Variants in MGAT4A observed in about 807,000 individuals in gnomAD.
MGAT4A encodes the protein alpha-1,3-mannosyl-glycoprotein 4-beta-N-acetylglucosaminyltransferase A, also known as N-acetylglucosaminyltransferase IVa.
A neutral mutation model predicts 74.1 loss-of-function variants in MGAT4A; 33 were observed. The ratio of observed to expected loss-of-function variants is 0.45; its 90% CI spans 0.34 to 0.60. The LOEUF is 0.60. MGAT4A is among the 20% of genes least tolerant of loss of function. The pLI, the probability that MGAT4A is intolerant of heterozygous loss-of-function variation, is 0.02. For missense variants in MGAT4A, 479 were observed against 628.3 expected (o/e 0.76, Z 2.54); for synonymous variants, 198 against 210.4 (o/e 0.94, Z 0.51).
rs903892622 is a variant in MGAT4A at position 98,646,197 on chromosome 2, C to T, written c.775-655G>A. 7.2e-5 allele frequency among the ~76,000 whole-genome samples: 11 copies of T among 152,038 alleles called. No individual in the cohort carries two copies. In the South Asian group the frequency reaches 8.3e-4, roughly 11 times the overall value. ...TTTGAATTGGAACTATCAATACAAA[C>T]GTGTGATTTTTTTTTCCTCTGTAAA... is the stretch of plus-strand genomic sequence containing the variant. On this transcript the variant is annotated intron_variant, in intron 8 of 15. Transcript: ENST00000393487.
chr2:98,670,042 G>A (rs1559164822), intron 4 of MGAT4A, among the ~76,000 whole-genome samples: 2 of 152,168 alleles, frequency 1.3e-5, no homozygotes, highest in Non-Finnish European at 2.9e-5. Context: ...GGAGTTGTTA[G>A]TTACCACAAC....
chr2:98,690,590 G>A (rs1702182502), intron 2 of MGAT4A, among the ~76,000 whole-genome samples: 2 of 152,094 alleles, frequency 1.3e-5, no homozygotes, highest in Non-Finnish European at 2.9e-5. Context: ...CACCCAAAAT[G>A]CCTTGGACAC....
intron 2 of MGAT4A, among the ~76,000 whole-genome samples, chr2:98,711,120 C>A (rs895360408): frequency 3.3e-5 from 5 of 152,118 alleles, no homozygotes; most frequent in Non-Finnish European, 7.3e-5. Context: ...CTTAAGTTTG[C>A]AATCTCTCTA....
chr2:98,656,659 A>T (rs1326854354), intron 6 of MGAT4A, among the ~76,000 whole-genome samples, 194 bp from the exon 7 acceptor site: 1 of 152,148 alleles, frequency 6.6e-6, no homozygotes, highest in Non-Finnish European at 1.5e-5. Context: ...TTCCAATAGC[A>T]AAAGTTTTTT....
chr2:98,668,584 C>A (rs1215297278), intron 4 of MGAT4A, among the ~76,000 whole-genome samples: 2 of 152,252 alleles, frequency 1.3e-5, no homozygotes, highest in African/African-American at 2.4e-5. Context: ...AGAGCCCCCC[C>A]AGCAGAGTCC....
chr2:98,693,320 A>T (rs1309017886), intron 2 of MGAT4A, among the ~76,000 whole-genome samples: 2 of 152,216 alleles, frequency 1.3e-5, no homozygotes, highest in African/African-American at 4.8e-5. Context: ...GGAAGTTCTT[A>T]AAAAAGAAAG....
chr2:98,717,592 T>C (rs1046881287), intron 2 of MGAT4A, among the ~76,000 whole-genome samples: 1 of 152,214 alleles, frequency 6.6e-6, no homozygotes, highest in Non-Finnish European at 1.5e-5. Flanking sequence ...TCTGATTATA[T>C]ATAAGTTGTT....
At chr2:98,640,373 GCCAAGGCAGGTGGATCA>G in intron 10 of MGAT4A, 145 bp from the exon 11 acceptor site, 1 of 655,748 alleles carries the variant, frequency 1.5e-6, no homozygotes, top group Admixed American at 2.9e-5. Context: ...ATGTTGAAAG[GCCAAGGCAGGTGGATCA>G]CCTGAGGTCA....
In MGAT4A at chr2:98,620,087, A is replaced by C. The variant is rs577808059; in HGVS notation, c.*5479T>G. 1.3e-5 allele frequency: 2 copies of C among 152,190 alleles called. No individual in the cohort carries two copies. The highest frequency in any genetic ancestry group is 2.1e-4 in the South Asian group (1 of 4,832). 9.4% of individuals were successfully genotyped at this position (152,190 alleles called of 1,614,324 possible). On this transcript the variant is annotated 3_prime_UTR_variant, in exon 16 of 16. Coordinates refer to ENST00000393487, the MANE Select transcript of MGAT4A (RefSeq NM_012214.3). Reference sequence around the variant, plus strand: ...TTGAAAATGATCTAGTTAGTGCCCAAACCGGGTGAAGGAGTGTTTCAGGTA... The same window carrying C: ...TTGAAAATGATCTAGTTAGTGCCCACACCGGGTGAAGGAGTGTTTCAGGTA...
intron 9 of MGAT4A, 117 bp downstream of exon 9, chr2:98,645,311 A>T (rs1218435954): frequency 1.4e-6 from 1 of 711,978 alleles, no homozygotes; most frequent in African/African-American, 1.8e-5. Context: ...AGTTTTCTCT[A>T]AAACAACCCA....
Position 98,678,435 on chromosome 2 carries a change from A to C in MGAT4A, c.131T>G (p.Leu44Trp), listed in dbSNP as rs767192351. 4 of 1,586,242 alleles carry C rather than the reference A, an allele frequency of 2.5e-6. No homozygotes were observed. Among genetic ancestry groups the C allele is most frequent in the African/African-American group, 1.3e-5 (1 of 74,592 alleles). The change falls in exon 3 of 16, where the codon TTG (leucine) becomes TGG (tryptophan). Residue 44 changes from leucine to tryptophan, a missense_variant. Physicochemically the swap from Leu to Trp is moderately conservative, Grantham distance 61 (BLOSUM62 -2). Transcript: ENST00000393487. ...TTCAGCTATTCGAAGACGTTCTTTC[A>C]AAGCAAGGAATTCTCGTTGATAAGC... is the stretch of plus-strand genomic sequence containing the variant. ...LIAYQREFLALKERLRIAEHR... is the reference protein window; with the variant it reads ...LIAYQREFLAWKERLRIAEHR...
intron 2 of MGAT4A, among the ~76,000 whole-genome samples, chr2:98,719,840 T>G (rs1419249121): frequency 6.6e-6 from 1 of 152,132 alleles, no homozygotes; most frequent in Non-Finnish European, 1.5e-5. Context: ...AGAGATGGGA[T>G]TTTGCCATAT....
At chr2:98,659,388 C>A (rs569526232) in intron 5 of MGAT4A, among the ~76,000 whole-genome samples, 1 of 152,050 alleles carries the variant, frequency 6.6e-6, no homozygotes, top group African/African-American at 2.4e-5. Context: ...AGATCCTTGC[C>A]CCTTCAAGGA....
rs748887919 is a variant in MGAT4A at position 98,619,837 on chromosome 2, C to T, written c.*5729G>A. On this transcript the variant is annotated 3_prime_UTR_variant, in exon 16 of 16. Coordinates refer to ENST00000393487, the MANE Select transcript of MGAT4A (RefSeq NM_012214.3). Reference sequence around the variant, plus strand: ...CACATAAAATAGCCTCCCTAAAGTCCAAGAGTATTAAAATATTCCCCACAA... The same window carrying T: ...CACATAAAATAGCCTCCCTAAAGTCTAAGAGTATTAAAATATTCCCCACAA... 4.2e-4 allele frequency: 64 copies of T among 152,122 alleles called. No homozygotes were observed. Among genetic ancestry groups the T allele is most frequent in the Non-Finnish European group, 7.6e-4 (52 of 68,026 alleles). 9.4% of individuals were successfully genotyped at this position (152,122 alleles called of 1,614,324 possible).
chr2:98,627,789 A>G (rs1701169278), intron 14 of MGAT4A, among the ~76,000 whole-genome samples: 1 of 152,250 alleles, frequency 6.6e-6, no homozygotes, highest in East Asian at 1.9e-4. Flanking sequence ...TACCACTGCT[A>G]AGCCACTGAA....
intron 12 of MGAT4A, 129 bp downstream of exon 12, chr2:98,639,679 A>G: frequency 1.5e-6 from 1 of 668,494 alleles, no homozygotes; most frequent in Non-Finnish European, 2.4e-6. Flanking sequence ...CATGTAATTT[A>G]AAGCCCAACA....
At chr2:98,662,982 CAATTA>C (rs1256273448) in intron 5 of MGAT4A, 59 bp downstream of exon 5, 1 of 1,234,330 alleles carries the variant, frequency 8.1e-7, no homozygotes, top group African/African-American at 1.5e-5. Context: ...TTCAAATATT[CAATTA>C]GAGTTTCAAC....
chr2:98,682,490 G>A (rs955942965), intron 2 of MGAT4A, among the ~76,000 whole-genome samples: 1 of 145,158 alleles, frequency 6.9e-6, no homozygotes, highest in African/African-American at 2.5e-5. Flanking sequence ...ACTCAGGCAA[G>A]CATCAAAAAT....
At chr2:98,730,776 G>A (rs889496619) in intron 1 of MGAT4A, among the ~76,000 whole-genome samples, 7 of 148,970 alleles carry the variant, frequency 4.7e-5, no homozygotes, top group African/African-American at 1.7e-4. Context: ...AGGGACGCTG[G>A]GAGGACGGCC....
Sources: allele counts gnomAD v4.1 joint callset (sites outside exome capture counted in the v4.1 genomes callset), GRCh38; gene constraint gnomAD v4.1.1; transcripts MANE v1.5; gene names NCBI Gene and HGNC (gene_info 2026-07-23, HGNC 2026-07-21).